The following RYR2 variants were observed in gnomAD, a reference collection of about 807,000 sequenced individuals.
RYR2 encodes ryanodine receptor 2.
A neutral mutation model predicts 601.1 loss-of-function variants in RYR2; 227 were observed. That is an observed-to-expected ratio of 0.38 (90% CI 0.34 to 0.42). RYR2 has a LOEUF of 0.42. RYR2 is among the 10% of genes least tolerant of loss of function. The probability of loss-of-function intolerance (pLI) is 1.00; values close to 1 mark genes in which losing one functional copy is unlikely to be tolerated. For synonymous variants in RYR2, 2,223 were observed against 2,175.1 expected (o/e 1.02, Z -0.61); for missense variants, 4,646 against 6,156.5 (o/e 0.75, Z 8.21).
chr1:237,517,671 T>C (rs1440045426), intron 24 of RYR2, among the ~76,000 whole-genome samples: 1 of 152,134 alleles, frequency 6.6e-6, no homozygotes, highest in Non-Finnish European at 1.5e-5. Flanking sequence ...AGAGCAGATT[T>C]AGGTTCTCAG....
chr1:237,516,564 A>T (rs1473479163), intron 24 of RYR2, among the ~76,000 whole-genome samples: 3 of 152,104 alleles, frequency 2.0e-5, no homozygotes, highest in Admixed American at 1.3e-4. Context: ...CCAAATATCC[A>T]TCTCTACCCC....
chr1:237,527,578 T>C (rs1309941914), intron 24 of RYR2, among the ~76,000 whole-genome samples: 5 of 152,194 alleles, frequency 3.3e-5, no homozygotes, highest in African/African-American at 9.7e-5. Flanking sequence ...ATCTCCTGCT[T>C]CTGTAGGTTG....
rs57204036 is a variant in RYR2, at chr1:237,380,359, A to AATATATATAT, written c.576+2978_576+2987dup. Among the ~76,000 whole-genome samples the AATATATATAT allele has an allele frequency of 7.9e-4, 23 of 29,286 alleles. 1 individual carries two copies. Among genetic ancestry groups the AATATATATAT allele is most frequent in the Non-Finnish European group, 1.3e-3 (19 of 14,086 alleles). 19.2% of individuals were successfully genotyped at this position (29,286 alleles called of 152,430 possible). On this transcript the variant is annotated intron_variant, in intron 8 of 104. Coordinates refer to ENST00000366574, the MANE Select transcript of RYR2 (RefSeq NM_001035.3). ...GCACACTTGCCTTGTAGAATACACA[A>AATATATATAT]ATATATATATATATATATATATATA...
At chr1:237,796,215 G>A (rs1309596001) in intron 96 of RYR2, among the ~76,000 whole-genome samples, 2 of 151,832 alleles carry the variant, frequency 1.3e-5, no homozygotes, top group African/African-American at 4.8e-5. Context: ...TAGATAATTT[G>A]AACATTTTAT....
At chr1:237,196,239 A>G (rs146079341) in intron 1 of RYR2, among the ~76,000 whole-genome samples, 130 of 152,290 alleles carry the variant, frequency 8.5e-4, no homozygotes, top group African/African-American at 3.0e-3. Context: ...GACAAAATTT[A>G]AAAAAATTTT....
chr1:237,066,681 G>A (rs1482437295), intron 1 of RYR2, among the ~76,000 whole-genome samples: 3 of 146,794 alleles, frequency 2.0e-5, no homozygotes, highest in African/African-American at 5.0e-5. Context: ...TCGCTCTGTC[G>A]CCCAGGCTGG....
chr1:237,684,619 G>A (rs998488944), intron 62 of RYR2, among the ~76,000 whole-genome samples: 6 of 152,106 alleles, frequency 3.9e-5, no homozygotes, highest in Admixed American at 2.0e-4. Context: ...GAATCGTTTC[G>A]AAGAAGAGGT....
At chr1:237,156,004 C>T (rs1264240892) in intron 1 of RYR2, among the ~76,000 whole-genome samples, 1 of 152,214 alleles carries the variant, frequency 6.6e-6, no homozygotes, top group African/African-American at 2.4e-5. Flanking sequence ...GCTGTTCCCT[C>T]TGCTGAACCT....
Position 237,727,179 on chromosome 1 carries a change from C to T in RYR2, c.10818C>T (p.Ala3606=), listed in dbSNP as rs1558298221. The T allele has an allele frequency of 1.3e-6, 2 of 1,551,484 alleles. No individual in the cohort carries two copies. Among genetic ancestry groups the T allele is most frequent in the East Asian group, 2.3e-5 (1 of 44,018 alleles). Reference sequence around the variant, plus strand: ...CTGTTGTAGCCTGCTTCCGGATGGCCCCCTTATATAATCTGCCAAGGTCGG... The same window carrying T: ...CTGTTGTAGCCTGCTTCCGGATGGCTCCCTTATATAATCTGCCAAGGTCGG... The part of the protein sequence containing the change: ...KRAVVACFRM[A]PLYNLPRHRA... The change falls in exon 76 of 105, where the codon GCC becomes GCT. Residue 3606 remains alanine (A), a synonymous_variant. Transcript: ENST00000366574.
At chr1:237,727,581 C>T (rs1573697148) in intron 76 of RYR2, among the ~76,000 whole-genome samples, 1 of 151,980 alleles carries the variant, frequency 6.6e-6, no homozygotes, top group Non-Finnish European at 1.5e-5. Context: ...TATTTACTGG[C>T]GAATTTTCTC....
At chr1:237,631,828 C>T (rs1045887846) in intron 42 of RYR2, among the ~76,000 whole-genome samples, 13 of 151,106 alleles carry the variant, frequency 8.6e-5, no homozygotes, top group African/African-American at 2.9e-4. Flanking sequence ...CGGGGTTTCA[C>T]TGTGTTAGCC....
Position 237,464,409 on chromosome 1 carries a change from A to AT in RYR2, c.1613-4672dup, listed in dbSNP as rs35711499. On this transcript the variant is annotated intron_variant, in intron 16 of 104. Transcript: ENST00000366574. The stretch of plus-strand genomic sequence containing the variant: ...CTTCCATTCTTATTGAGCATTTGTG[A>AT]TTTTTTTTTTTGACAGAATTTATTG... 6.3e-3 allele frequency among the ~76,000 whole-genome samples: 946 copies of AT among 150,170 alleles called. 28 individuals carry two copies. Among genetic ancestry groups the AT allele is most frequent in the Admixed American group, 0.045 (674 of 15,082 alleles).
intron 24 of RYR2, 51 bp downstream of exon 24, chr1:237,511,842 A>AAAC (rs1665937703): frequency 2.2e-6 from 2 of 929,408 alleles, no homozygotes; most frequent in South Asian, 3.8e-5. Context: ...CTGAAAAAAA[A>AAAC]AAAAAAAAAA....
intron 27 of RYR2, among the ~76,000 whole-genome samples, chr1:237,561,757 A>G (rs1671477059): frequency 6.6e-6 from 1 of 152,242 alleles, no homozygotes; most frequent in Non-Finnish European, 1.5e-5. Flanking sequence ...CAAGAGCTTG[A>G]TGTGTGATCA....
chr1:237,574,791 C>T (rs1673058753), intron 29 of RYR2, among the ~76,000 whole-genome samples: 1 of 152,094 alleles, frequency 6.6e-6, no homozygotes, highest in Non-Finnish European at 1.5e-5. Flanking sequence ...CCATCAATAA[C>T]CAGGGAGCTT....
chr1:237,736,518 G>T (rs910751166), intron 79 of RYR2, among the ~76,000 whole-genome samples: 2 of 151,744 alleles, frequency 1.3e-5, no homozygotes, highest in African/African-American at 4.8e-5. Flanking sequence ...AGGGAAGGCT[G>T]CCAGGATAAT....
chr1:237,610,711 A>AC lies in RYR2; in HGVS notation c.4684-47dup. On this transcript the variant is annotated intron_variant, in intron 35 of 104. Coordinates refer to ENST00000366574, the MANE Select transcript of RYR2 (RefSeq NM_001035.3). This position sits in a 1 kb window ranked among gnomAD's most constrained non-coding sequence, Gnocchi z 4.9. ...CAGAATTCTAGTCATTACTTTGTGA[A>AC]CCCCAAGGGATGTTCTACATTTATT... 1 of 1,435,550 alleles carries AC rather than the reference A, an allele frequency of 7.0e-7. No homozygotes were observed. The highest frequency in any genetic ancestry group is 9.5e-7 in the Non-Finnish European group (1 of 1,051,746). The allele number at this position is 1,435,550 out of a possible 1,614,324, so 88.9% of individuals were successfully genotyped here.
chr1:237,073,863 T>C (rs923316167), intron 1 of RYR2, among the ~76,000 whole-genome samples: 1 of 65,572 alleles, frequency 1.5e-5, no homozygotes, highest in Non-Finnish European at 3.3e-5. Flanking sequence ...AGAGACTCCA[T>C]CTTAAAAAAA....
At chr1:237,811,614 G>A (rs1287006811) in intron 100 of RYR2, among the ~76,000 whole-genome samples, 2 of 152,162 alleles carry the variant, frequency 1.3e-5, no homozygotes, top group African/African-American at 2.4e-5. Flanking sequence ...ATAGCTTGCT[G>A]ACATAAAAAT....
Sources: allele counts gnomAD v4.1 joint callset (sites outside exome capture counted in the v4.1 genomes callset), GRCh38; gene constraint gnomAD v4.1.1; non-coding constraint Gnocchi (gnomAD v3.1); transcripts MANE v1.5; gene names NCBI Gene and HGNC (gene_info 2026-07-23, HGNC 2026-07-21).